Variants in C19orf33 observed in about 807,000 individuals in gnomAD.
C19orf33 encodes chromosome 19 open reading frame 33.
A neutral mutation model predicts 9.7 loss-of-function variants in C19orf33; 9 were observed. The observed-to-expected ratio is 0.93, with a 90% CI of 0.56 to 1.61. C19orf33 has a LOEUF of 1.61. Ranked by LOEUF, C19orf33 falls within the 40% of genes most tolerant of loss-of-function variation. The pLI is 0.00. For missense variants in C19orf33, 145 were observed against 137.9 expected (o/e 1.05, Z -0.26); for synonymous variants, 61 against 54.8 (o/e 1.11, Z -0.50).
In C19orf33 at chr19:38,304,396, A is replaced by C. The variant is rs901395702; in HGVS notation, c.44A>C (p.Lys15Thr). ...LGAALEPTSQ[K>T]PGVGAGHGGD... ...ACAGCCCTGGAGCCCACCTCCCAGA[A>C]GCCCGGTGTGGGGGCGGGCCACGGG... Residue 15 changes from lysine (K) to threonine (T), a missense_variant, in exon 2 of 4, where the codon AAG (lysine) becomes ACG (threonine). By Grantham distance (78) the Lys-to-Thr change is moderately conservative. Transcript: ENST00000301246. 1.3e-6 allele frequency: 2 copies of C among 1,576,520 alleles called. No individual in the cohort carries two copies. Among genetic ancestry groups the C allele is most frequent in the African/African-American group, 2.7e-5 (2 of 74,512 alleles).
rs1256895941 is a variant in C19orf33 at position 38,304,299 on chromosome 19, G to A, written c.22+16G>A. The A allele has an allele frequency of 2.5e-6, 4 of 1,613,804 alleles. 2 individuals carry two copies. In the South Asian group the frequency reaches 4.4e-5, roughly 18 times the overall value. On this transcript the variant is annotated intron_variant, in intron 1 of 3. Transcript: ENST00000301246. ...CTGGGAGCAGGTGAGCTCCTGGGGAGTGTGGACTGGAGGTGCAGGGGGCCG... is the reference window on the plus strand; with the variant it reads ...CTGGGAGCAGGTGAGCTCCTGGGGAATGTGGACTGGAGGTGCAGGGGGCCG...
In C19orf33 at chr19:38,304,925, CAAGAAGGAGAAGGGCAAG is replaced by C. The variant is rs765192304; in HGVS notation, c.292_309del (p.Lys98_Glu103del). 206 of 1,612,246 alleles carry C rather than the reference CAAGAAGGAGAAGGGCAAG, an allele frequency of 1.3e-4. No individual in the cohort carries two copies. In the African/African-American group the frequency reaches 2.2e-3, roughly 18 times the overall value. ...CCAAAGTGAAGAAGAAGGAGAAGGGCAAGAAGGAGAAGGGCAAGAAGAAGGAGGCTCCCCACTGAAGGG... is the reference window on the plus strand; with the variant it reads ...CCAAAGTGAAGAAGAAGGAGAAGGGCAAGAAGGAGGCTCCCCACTGAAGGG... On this transcript the variant is annotated inframe_deletion, in exon 4 of 4. Transcript: ENST00000301246.
chr19:38,304,937 G>A lies in C19orf33; in HGVS notation c.294G>A (p.Lys98=), dbSNP rs1968933246. Residue 98 remains lysine, a synonymous_variant, in exon 4 of 4, where the codon AAG becomes AAA. Coordinates refer to ENST00000301246, the MANE Select transcript of C19orf33 (RefSeq NM_033520.3). Reference sequence around the variant, plus strand: ...AGAAGGAGAAGGGCAAGAAGGAGAAGGGCAAGAAGAAGGAGGCTCCCCACT... The same window carrying A: ...AGAAGGAGAAGGGCAAGAAGGAGAAAGGCAAGAAGAAGGAGGCTCCCCACT... The part of the protein sequence containing the change: ...VKKKEKGKKE[K]GKKKEAPH 6.2e-7 allele frequency: 1 copy of A among 1,611,314 alleles called. No homozygotes were observed. The highest frequency in any genetic ancestry group is 1.3e-5 in the African/African-American group (1 of 74,380).
At chr19:38,304,710 C>A in intron 3 of C19orf33, 24 bp downstream of exon 3, 1 of 1,613,614 alleles carries the variant, frequency 6.2e-7, no homozygotes, top group African/African-American at 1.3e-5. Context: ...GCCAGCGTCC[C>A]CAAGCACGTG....
intron 3 of C19orf33, 38 bp downstream of exon 3, chr19:38,304,724 T>A (rs750423346): frequency 1.2e-6 from 2 of 1,612,974 alleles, no homozygotes; most frequent in Non-Finnish European, 1.7e-6. Flanking sequence ...GCACGTGCCC[T>A]GCACCCCAGA....
rs1161429791 is a variant in C19orf33, at chr19:38,304,480, C to T, written c.128C>T (p.Pro43Leu). ...GGCCGGTCGGAGGCAGGGGCAGGTC[C>T]GGGTCCAAAGGTAAGTCGCCTCATC... ...VQGRSEAGAG[P>L]GPKQGHHSSS... is the part of the protein sequence containing the mutation. Residue 43 changes from proline to leucine, a missense_variant, in exon 2 of 4, where the codon CCG becomes CTG. Transcript: ENST00000301246. 7.1e-6 allele frequency: 11 copies of T among 1,555,584 alleles called. No individual in the cohort carries two copies. Among genetic ancestry groups the T allele is most frequent in the African/African-American group, 1.4e-5 (1 of 73,422 alleles).
In C19orf33 at chr19:38,304,252, T is replaced by A. The variant is rs1377799296; in HGVS notation, c.-10T>A. On this transcript the variant is annotated 5_prime_UTR_variant, in exon 1 of 4. Transcript: ENST00000301246. ...GCCCTTGGCCTTAGGACCCAACTTC[T>A]CTTACCGCCATGGAGTTCGACCTGG... 1 of 1,613,540 alleles carries A rather than the reference T, an allele frequency of 6.2e-7. No individual in the cohort carries two copies. The highest frequency in any genetic ancestry group is 8.5e-7 in the Non-Finnish European group (1 of 1,180,010).
Position 38,304,387 on chromosome 19 carries a change from C to CT in C19orf33, c.35_36insT (p.Ser13LeufsTer?), listed in dbSNP as rs1968889991. 1.9e-6 allele frequency: 3 copies of CT among 1,581,354 alleles called. No individual in the cohort carries two copies. The highest frequency in any genetic ancestry group is 1.9e-5 in the Admixed American group (1 of 53,462). ...CTTCTCTCCACAGCCCTGGAGCCCA[C>CT]CTCCCAGAAGCCCGGTGTGGGGGCG... is the stretch of plus-strand genomic sequence containing the variant. On this transcript the variant is annotated frameshift_variant, in exon 2 of 4. Transcript: ENST00000301246. LOFTEE classifies it high-confidence loss of function.
At position 38,304,497 on chromosome 19, in the gene C19orf33, C is replaced by G; in HGVS notation, c.138+7C>G. ...GGCAGGTCCGGGTCCAAAGGTAAGT[C>G]GCCTCATCACCGGCTGCGGAGGGGC... On this transcript the variant is annotated splice_region_variant and intron_variant, in intron 2 of 3. Coordinates refer to ENST00000301246, the MANE Select transcript of C19orf33 (RefSeq NM_033520.3). 11 of 1,557,496 alleles carry G rather than the reference C, an allele frequency of 7.1e-6. No homozygotes were observed. The highest frequency in any genetic ancestry group is 9.6e-6 in the Non-Finnish European group (11 of 1,150,878).
At chr19:38,304,340 G>A (rs1968887423) in intron 1 of C19orf33, 35 bp from the exon 2 acceptor site, 1 of 1,610,414 alleles carries the variant, frequency 6.2e-7, no homozygotes, top group Admixed American at 1.7e-5. Flanking sequence ...AAGCCCAGAA[G>A]CTGCCTGCAC....
intron 2 of C19orf33, 61 bp downstream of exon 2, chr19:38,304,551 G>T (rs966014620): frequency 1.3e-6 from 2 of 1,595,840 alleles, no homozygotes; most frequent in East Asian, 2.3e-5. Flanking sequence ...CCTGACCCCA[G>T]GGTCCTGCCT....
At position 38,304,284 on chromosome 19, in the gene C19orf33, G is replaced by C; in HGVS notation, c.22+1G>C. 1 of 1,613,764 alleles carries C rather than the reference G, an allele frequency of 6.2e-7. No homozygotes were observed. The highest frequency in any genetic ancestry group is 8.5e-7 in the Non-Finnish European group (1 of 1,180,032). On this transcript the variant is annotated splice_donor_variant, in intron 1 of 3. Transcript: ENST00000301246. LOFTEE classifies it high-confidence loss of function. Reference sequence around the variant, plus strand: ...GCCATGGAGTTCGACCTGGGAGCAGGTGAGCTCCTGGGGAGTGTGGACTGG... The same window carrying C: ...GCCATGGAGTTCGACCTGGGAGCAGCTGAGCTCCTGGGGAGTGTGGACTGG...
Position 38,304,492 on chromosome 19 carries a change from T to A in C19orf33, c.138+2T>A. 6.4e-7 allele frequency: 1 copy of A among 1,556,218 alleles called. No individual in the cohort carries two copies. Among genetic ancestry groups the A allele is most frequent in the East Asian group, 2.4e-5 (1 of 41,528 alleles). On this transcript the variant is annotated splice_donor_variant, in intron 2 of 3. Coordinates refer to ENST00000301246, the MANE Select transcript of C19orf33 (RefSeq NM_033520.3). LOFTEE classifies it high-confidence loss of function. Reference sequence around the variant, plus strand: ...GCAGGGGCAGGTCCGGGTCCAAAGGTAAGTCGCCTCATCACCGGCTGCGGA... The same window carrying A: ...GCAGGGGCAGGTCCGGGTCCAAAGGAAAGTCGCCTCATCACCGGCTGCGGA...
chr19:38,304,386 A>T lies in C19orf33; in HGVS notation c.34A>T (p.Thr12Ser), dbSNP rs1259333355. 1.9e-6 allele frequency: 3 copies of T among 1,580,214 alleles called. No individual in the cohort carries two copies. The highest frequency in any genetic ancestry group is 1.9e-5 in the Admixed American group (1 of 53,348). ...EFDLGAALEP[T>S]SQKPGVGAGH... ...ACTTCTCTCCACAGCCCTGGAGCCC[A>T]CCTCCCAGAAGCCCGGTGTGGGGGC... Residue 12 changes from threonine to serine, a missense_variant, in exon 2 of 4, where the codon ACC becomes TCC. By Grantham distance (58) the Thr-to-Ser change is moderately conservative (BLOSUM62 1). Transcript: ENST00000301246.
intron 2 of C19orf33, 32 bp downstream of exon 2, chr19:38,304,522 C>T: frequency 6.4e-7 from 1 of 1,567,480 alleles, no homozygotes; most frequent in South Asian, 1.2e-5. Context: ...TGCGGAGGGG[C>T]GGGAAGGCTG....
chr19:38,304,318 G>A, intron 1 of C19orf33, 35 bp downstream of exon 1: 2 of 1,613,400 alleles, frequency 1.2e-6, no homozygotes, highest in African/African-American at 1.3e-5. Flanking sequence ...GGAGGTGCAG[G>A]GGGCCGGACT....
chr19:38,304,931 G>A lies in C19orf33; in HGVS notation c.288G>A (p.Lys96=), dbSNP rs200319757. ...TGAAGAAGAAGGAGAAGGGCAAGAAGGAGAAGGGCAAGAAGAAGGAGGCTC... is the reference window on the plus strand; with the variant it reads ...TGAAGAAGAAGGAGAAGGGCAAGAAAGAGAAGGGCAAGAAGAAGGAGGCTC... ...PKVKKKEKGK[K]EKGKKKEAPH Residue 96 remains lysine (K), a synonymous_variant, in exon 4 of 4, where the codon AAG becomes AAA. Coordinates refer to ENST00000301246, the MANE Select transcript of C19orf33 (RefSeq NM_033520.3). 10 of 1,612,058 alleles carry A rather than the reference G, an allele frequency of 6.2e-6. No homozygotes were observed. In the Admixed American group the frequency reaches 1.5e-4, roughly 24 times the overall value.
Position 38,304,683 on chromosome 19 carries a change from G to A in C19orf33, c.198G>A (p.Val66=), listed in dbSNP as rs571106008. 29 of 1,613,698 alleles carry A rather than the reference G, an allele frequency of 1.8e-5. No individual in the cohort carries two copies. The African/African-American group carries it at 3.7e-4, about 21-fold the overall frequency. Residue 66 remains valine, a synonymous_variant, in exon 3 of 4, where the codon GTG becomes GTA. Coordinates refer to ENST00000301246, the MANE Select transcript of C19orf33 (RefSeq NM_033520.3). ...SSSSSDSDTD[V]KSHAAGSKQH... is the part of the protein sequence containing the mutation. The stretch of plus-strand genomic sequence containing the variant: ...GCTCCAGCGATTCGGACACGGATGT[G>A]AAGGTAAGGGGCTCTCGCCAGCGTC...
Position 38,304,895 on chromosome 19 carries a change from G to A in C19orf33, c.252G>A (p.Lys84=). The part of the protein sequence containing the change: ...KQHESIPGKA[K]KPKVKKKEKG... ...ACGAGAGCATCCCGGGCAAGGCCAA[G>A]AAGCCCAAAGTGAAGAAGAAGGAGA... is the stretch of plus-strand genomic sequence containing the variant. The change falls in exon 4 of 4, where the codon AAG becomes AAA. Residue 84 remains lysine (K), a synonymous_variant. Coordinates refer to ENST00000301246, the MANE Select transcript of C19orf33 (RefSeq NM_033520.3). The A allele has an allele frequency of 6.2e-7, 1 of 1,611,784 alleles. No homozygotes were observed. Among genetic ancestry groups the A allele is most frequent in the Non-Finnish European group, 8.5e-7 (1 of 1,179,248 alleles).
Sources: gnomAD v4.1 joint callset for allele counts on GRCh38, gnomAD v4.1.1 for gene constraint, MANE v1.5 for transcripts, NCBI Gene and HGNC (gene_info 2026-07-23, HGNC 2026-07-21) for gene names.